Variants in ZNF804B observed in about 807,000 individuals in gnomAD.
ZNF804B encodes the protein zinc finger 804B.
Under a neutral mutation model 101.4 loss-of-function variants are expected in ZNF804B, and 80 were observed. The ratio of observed to expected loss-of-function variants is 0.79; its 90% CI spans 0.66 to 0.95. The LOEUF (loss-of-function observed/expected upper bound fraction) is 0.95. Among genes scored for constraint, ZNF804B ranks in the 40% least tolerant of loss-of-function variants. ZNF804B has a pLI of 0.00. For missense variants in ZNF804B, 1,673 were observed against 1,561.9 expected, an observed-to-expected ratio of 1.07 and a Z score of -1.20; for synonymous variants, 622 against 558.8, an observed-to-expected ratio of 1.11 and a Z score of -1.59.
At chr7:89,142,218 A>T (rs767705458) in intron 1 of ZNF804B, among the ~76,000 whole-genome samples, 20 of 151,876 alleles carry the variant, frequency 1.3e-4, no homozygotes, top group Non-Finnish European at 1.9e-4. Flanking sequence ...ATTGTCCTAA[A>T]AAAAAAGAAG....
At chr7:88,962,385 G>A (rs1015824686) in intron 1 of ZNF804B, among the ~76,000 whole-genome samples, 2 of 151,008 alleles carry the variant, frequency 1.3e-5, no homozygotes, top group African/African-American at 4.8e-5. Flanking sequence ...TGCTATTCAG[G>A]TTTCTGAAAA....
Position 88,833,718 on chromosome 7 carries a change from C to T in ZNF804B, c.108+73634C>T, listed in dbSNP as rs567883060. On this transcript the variant is annotated intron_variant, in intron 1 of 3. Transcript: ENST00000333190. ...ATTGACCTCATGTGAGAAAGCCAAG[C>T]TTCTCAAATAATTTGATTGCATCTC... Among the ~76,000 whole-genome samples the T allele has an allele frequency of 2.0e-5, 3 of 151,960 alleles. No individual in the cohort carries two copies. In the East Asian group the frequency reaches 5.8e-4, roughly 29 times the overall value.
intron 1 of ZNF804B, among the ~76,000 whole-genome samples, chr7:89,012,537 C>G (rs567880714): frequency 6.6e-6 from 1 of 152,278 alleles, no homozygotes; most frequent in Admixed American, 6.5e-5. Context: ...GGGCAAGAGG[C>G]CATCAGTCTT....
chr7:89,279,050 T>G (rs1432052009), intron 2 of ZNF804B, among the ~76,000 whole-genome samples: 1 of 152,158 alleles, frequency 6.6e-6, no homozygotes, highest in Non-Finnish European at 1.5e-5. Context: ...GTAGTTCTCC[T>G]TGAAGAGGTC....
At chr7:88,845,293 ACG>A (rs143617719) in intron 1 of ZNF804B, among the ~76,000 whole-genome samples, 2,696 of 131,570 alleles carry the variant, frequency 0.02, 81 homozygotes, top group African/African-American at 0.074. Context: ...GCGCGCGCGC[ACG>A]CGCGCGCACA....
chr7:89,136,389 A>G (rs1405906857), intron 1 of ZNF804B, among the ~76,000 whole-genome samples: 2 of 152,096 alleles, frequency 1.3e-5, no homozygotes, highest in Non-Finnish European at 2.9e-5. Context: ...TGTTACTTTA[A>G]TAATTGTTGA....
chr7:89,202,190 A>G (rs780400661), intron 1 of ZNF804B, among the ~76,000 whole-genome samples: 14 of 152,070 alleles, frequency 9.2e-5, no homozygotes, highest in Admixed American at 2.0e-4. Context: ...AAATGTGAAG[A>G]CAATTTTAAA....
intron 1 of ZNF804B, among the ~76,000 whole-genome samples, chr7:89,077,261 G>T (rs984717064): frequency 2.6e-5 from 4 of 152,118 alleles, no homozygotes; most frequent in African/African-American, 9.7e-5. Context: ...CTAGAGGTAA[G>T]GAATTCTAGA....
rs576766667 is a variant in ZNF804B at position 89,049,081 on chromosome 7, G to C, written c.109-169074G>C. Among the ~76,000 whole-genome samples, 19 of 150,686 alleles carry C rather than the reference G, an allele frequency of 1.3e-4. No homozygotes were observed. In the East Asian group the frequency reaches 3.3e-3, roughly 26 times the overall value. ...CATTTGCTTTGTATTGTACAAAGTC[G>C]CTATTGTCTATCATTAACATATCAT... On this transcript the variant is annotated intron_variant, in intron 1 of 3. Coordinates refer to ENST00000333190, the MANE Select transcript of ZNF804B (RefSeq NM_181646.5).
In ZNF804B at chr7:88,909,732, T is replaced by C. The variant is rs936826633; in HGVS notation, c.108+149648T>C. Among the ~76,000 whole-genome samples the C allele has an allele frequency of 2.6e-5, 4 of 151,910 alleles. No homozygotes were observed. In the South Asian group the frequency reaches 6.2e-4, roughly 24 times the overall value. On this transcript the variant is annotated intron_variant, in intron 1 of 3. Transcript: ENST00000333190. Reference sequence around the variant, plus strand: ...ATTGATATTTGTTATGCAGCCTAGTTAGTTCCTTCACTTGAATTTCATTTA... The same window carrying C: ...ATTGATATTTGTTATGCAGCCTAGTCAGTTCCTTCACTTGAATTTCATTTA...
intron 1 of ZNF804B, among the ~76,000 whole-genome samples, chr7:88,855,562 C>T (rs896337984): frequency 3.3e-5 from 5 of 152,082 alleles, no homozygotes; most frequent in Admixed American, 6.6e-5. Flanking sequence ...GTTGCCTGTT[C>T]ACTCTGATGG....
intron 1 of ZNF804B, among the ~76,000 whole-genome samples, chr7:89,210,166 A>G (rs1788780972): frequency 6.6e-6 from 1 of 151,906 alleles, no homozygotes; most frequent in Non-Finnish European, 1.5e-5. Flanking sequence ...AAAGAAAGAA[A>G]TCAATCATAA....
chr7:89,016,603 C>A (rs1027880126), intron 1 of ZNF804B, among the ~76,000 whole-genome samples: 1 of 149,570 alleles, frequency 6.7e-6, no homozygotes, highest in Non-Finnish European at 1.5e-5. Context: ...GAATCCTTTC[C>A]CCATTGCTTG....
chr7:88,982,445 A>AAC (rs1453815898), intron 1 of ZNF804B, among the ~76,000 whole-genome samples: 2 of 152,032 alleles, frequency 1.3e-5, no homozygotes, highest in African/African-American at 4.8e-5. Context: ...TATTTTCTCA[A>AAC]TGCTTCTTGA....
chr7:89,129,945 A>G (rs1036986846), intron 1 of ZNF804B, among the ~76,000 whole-genome samples: 1 of 152,058 alleles, frequency 6.6e-6, no homozygotes, highest in East Asian at 1.9e-4. Context: ...GGAATTCATT[A>G]TTCAGAGAAG....
At chr7:89,171,284 TGCTG>T (rs1562904369) in intron 1 of ZNF804B, among the ~76,000 whole-genome samples, 2,504 of 66,028 alleles carry the variant, frequency 0.038, 92 homozygotes, top group Non-Finnish European at 0.052. Flanking sequence ...ATAATGCTGC[TGCTG>T]CTTCTTCTTC....
intron 1 of ZNF804B, among the ~76,000 whole-genome samples, chr7:88,922,111 A>G (rs568948097): frequency 1.2e-4 from 19 of 152,212 alleles, no homozygotes; most frequent in African/African-American, 4.6e-4. Flanking sequence ...GATTCTGTTC[A>G]GAATTTTCAG....
chr7:89,116,154 T>G (rs1790309616), intron 1 of ZNF804B, among the ~76,000 whole-genome samples: 2 of 151,916 alleles, frequency 1.3e-5, no homozygotes, highest in South Asian at 4.2e-4. Flanking sequence ...ATTCAGGCGA[T>G]CCACCCACCT....
At chr7:88,802,249 G>C (rs1193316138) in intron 1 of ZNF804B, among the ~76,000 whole-genome samples, 1 of 152,138 alleles carries the variant, frequency 6.6e-6, no homozygotes, top group Non-Finnish European at 1.5e-5. Context: ...GTCTCAGGTA[G>C]TATCTTTATA....
Sources: gnomAD v4.1 joint callset for allele counts (sites outside exome capture counted in the v4.1 genomes callset) on GRCh38, gnomAD v4.1.1 for gene constraint, MANE v1.5 for transcripts, NCBI Gene and HGNC (gene_info 2026-07-23, HGNC 2026-07-21) for gene names.